The following CDH8 variants were observed in gnomAD, a reference collection of about 807,000 sequenced individuals.
CDH8 encodes the protein cadherin 8, also known as cadherin-8.
Under a neutral mutation model 68.1 loss-of-function variants are expected in CDH8, and 17 were observed. The ratio of observed to expected loss-of-function variants is 0.25; its 90% CI spans 0.17 to 0.37. The LOEUF (loss-of-function observed/expected upper bound fraction) is 0.37. Ranked by LOEUF, CDH8 falls within the 10% of genes least tolerant of loss-of-function variation. The pLI, the probability that CDH8 is intolerant of heterozygous loss-of-function variation, is 1.00. For missense variants in CDH8, 763 were observed against 999.3 expected (o/e 0.76, Z 3.19); for synonymous variants, 372 against 365.1 (o/e 1.02, Z -0.21).
chr16:61,651,641 G>T lies in CDH8; in HGVS notation c.*1967C>A, dbSNP rs887823819. ...CCCCTGTCAGACTGGCAGAGATTTT[G>T]CCAGGTCCGCACTGCAGTCTAAGAC... On this transcript the variant is annotated 3_prime_UTR_variant, in exon 12 of 12. Transcript: ENST00000577390. 6.6e-6 allele frequency: 1 copy of T among 152,258 alleles called. No homozygotes were observed. Among genetic ancestry groups the T allele is most frequent in the African/African-American group, 2.4e-5 (1 of 41,544 alleles). The allele number at this position is 152,258 out of a possible 1,614,324, so 9.4% of individuals were successfully genotyped here. A position where few individuals can be genotyped will look rare whatever the true frequency, so the allele number is the denominator to read the frequency against.
chr16:61,878,618 G>T (rs927788494), intron 3 of CDH8, among the ~76,000 whole-genome samples: 7 of 152,136 alleles, frequency 4.6e-5, no homozygotes, highest in Non-Finnish European at 7.3e-5. Flanking sequence ...TGATGATAAT[G>T]ATGTTGATAA....
chr16:61,938,385 A>G (rs1197088317), intron 2 of CDH8, among the ~76,000 whole-genome samples: 1 of 152,198 alleles, frequency 6.6e-6, no homozygotes, highest in Admixed American at 6.5e-5. Context: ...TTAGATATTA[A>G]TGAGAAGCCC....
At chr16:61,722,196 G>C (rs552019759) in intron 9 of CDH8, among the ~76,000 whole-genome samples, 38 of 150,758 alleles carry the variant, frequency 2.5e-4, no homozygotes, top group African/African-American at 9.2e-4. Flanking sequence ...GTCCATTCAG[G>C]ATATTTGCAC....
intron 2 of CDH8, among the ~76,000 whole-genome samples, chr16:62,011,109 G>A (rs751154084): frequency 1.1e-4 from 17 of 151,918 alleles, no homozygotes; most frequent in Non-Finnish European, 2.4e-4. Flanking sequence ...TATGCATGTA[G>A]TATTTTATTC....
At chr16:61,665,804 C>CTTCCTTCCTTCA (rs1963662651) in intron 10 of CDH8, among the ~76,000 whole-genome samples, 1 of 122,986 alleles carries the variant, frequency 8.1e-6, no homozygotes, top group African/African-American at 3.1e-5. Context: ...TCCTTCCTTC[C>CTTCCTTCCTTCA]TTTCCCTCCT....
At chr16:61,765,928 G>T (rs1261772487) in intron 8 of CDH8, among the ~76,000 whole-genome samples, 1 of 151,978 alleles carries the variant, frequency 6.6e-6, no homozygotes, top group Admixed American at 6.6e-5. Context: ...CCAGGTGCTA[G>T]CTCAGTGACC....
chr16:61,676,016 G>A (rs1024620441), intron 10 of CDH8, among the ~76,000 whole-genome samples: 2 of 151,252 alleles, frequency 1.3e-5, no homozygotes, highest in South Asian at 2.1e-4. Flanking sequence ...CAGCAAACAC[G>A]AATTGTAGAC....
chr16:62,013,375 CTG>C (rs1427618120), intron 2 of CDH8, among the ~76,000 whole-genome samples: 1 of 150,230 alleles, frequency 6.7e-6, no homozygotes. Context: ...GGTAGAATGA[CTG>C]AAAGTATTGA....
At chr16:61,947,133 A>G (rs1399694773) in intron 2 of CDH8, among the ~76,000 whole-genome samples, 1 of 152,180 alleles carries the variant, frequency 6.6e-6, no homozygotes, top group East Asian at 1.9e-4. Context: ...ACAGTACCAA[A>G]ACAACTTCAC....
At chr16:61,979,093 C>G (rs893354532) in intron 2 of CDH8, among the ~76,000 whole-genome samples, 2 of 151,328 alleles carry the variant, frequency 1.3e-5, no homozygotes, top group African/African-American at 4.8e-5. Context: ...AGAATCTCAG[C>G]CCAAAGCCAG....
At chr16:61,925,713 A>T (rs1964446270) in intron 2 of CDH8, among the ~76,000 whole-genome samples, 1 of 152,214 alleles carries the variant, frequency 6.6e-6, no homozygotes, top group Non-Finnish European at 1.5e-5. Flanking sequence ...GCAAGAGCAC[A>T]ATATACTACT....
intron 8 of CDH8, among the ~76,000 whole-genome samples, chr16:61,773,556 A>G (rs1282739787): frequency 6.6e-6 from 1 of 151,890 alleles, no homozygotes; most frequent in Non-Finnish European, 1.5e-5. Flanking sequence ...TTGCTCTGTG[A>G]GTTTTGGCTT....
intron 1 of CDH8, among the ~76,000 whole-genome samples, chr16:62,035,342 G>A (rs891451049): frequency 4.6e-5 from 7 of 152,292 alleles, no homozygotes; most frequent in African/African-American, 1.7e-4. Context: ...CCGGCTTAAG[G>A]GGGCCTCCGT....
intron 5 of CDH8, among the ~76,000 whole-genome samples, chr16:61,823,179 A>G (rs1962253439): frequency 6.6e-6 from 1 of 151,870 alleles, no homozygotes; most frequent in Non-Finnish European, 1.5e-5. Context: ...CTTAATGAAA[A>G]TGCATCTCCT....
At position 61,731,594 on chromosome 16, in the gene CDH8, G is replaced by A. The variant is rs185587259; in HGVS notation, c.1415-4379C>T. On this transcript the variant is annotated intron_variant, in intron 8 of 11. Coordinates refer to ENST00000577390, the MANE Select transcript of CDH8 (RefSeq NM_001796.5). Reference sequence around the variant, plus strand: ...AGATTTTACACCAATGGGGAAAAAAGGTTTTACTAAAACAATTCAGCAAGT... The same window carrying A: ...AGATTTTACACCAATGGGGAAAAAAAGTTTTACTAAAACAATTCAGCAAGT... Among the ~76,000 whole-genome samples the A allele has an allele frequency of 3.5e-3, 534 of 151,774 alleles. 3 individuals are homozygous for A. Among genetic ancestry groups the A allele is most frequent in the Middle Eastern group, 0.017 (5 of 294 alleles).
At chr16:61,659,097 A>G (rs1216226730) in intron 10 of CDH8, among the ~76,000 whole-genome samples, 1 of 152,180 alleles carries the variant, frequency 6.6e-6, no homozygotes, top group Non-Finnish European at 1.5e-5. Flanking sequence ...CTTTCTTTTT[A>G]TTTATAAAAG....
chr16:62,000,698 T>G (rs1417550185), intron 2 of CDH8, among the ~76,000 whole-genome samples: 2 of 152,168 alleles, frequency 1.3e-5, no homozygotes, highest in African/African-American at 4.8e-5. Flanking sequence ...AGATAAAGCC[T>G]TTGGCCAAAA....
intron 2 of CDH8, among the ~76,000 whole-genome samples, chr16:61,990,852 G>A (rs547073991): frequency 8.2e-4 from 113 of 138,556 alleles, no homozygotes; most frequent in African/African-American, 2.9e-3. Context: ...GAGATGGAAC[G>A]AAGGGAGGGA....
chr16:61,841,277 C>T (rs1375675873), intron 4 of CDH8, among the ~76,000 whole-genome samples: 4 of 152,144 alleles, frequency 2.6e-5, no homozygotes, highest in East Asian at 1.9e-4. Flanking sequence ...TTTTGAGAAA[C>T]CTCCAAACTG....
Sources: gnomAD v4.1 joint callset for allele counts (sites outside exome capture counted in the v4.1 genomes callset) on GRCh38, gnomAD v4.1.1 for gene constraint, MANE v1.5 for transcripts, NCBI Gene and HGNC (gene_info 2026-07-23, HGNC 2026-07-21) for gene names.